Variants in MYO1H observed in about 807,000 individuals in gnomAD.
The protein encoded by MYO1H is myosin IH, also known as unconventional myosin-Ih.
In MYO1H, 118 loss-of-function variants were observed where a neutral mutation model predicts 149.3. The ratio of observed to expected loss-of-function variants is 0.79; its 90% CI spans 0.68 to 0.92. MYO1H has a LOEUF of 0.92. Among genes scored for constraint, MYO1H ranks in the 40% least tolerant of loss-of-function variants. The probability of loss-of-function intolerance (pLI) is 0.00; values close to 1 mark genes in which losing one functional copy is unlikely to be tolerated. For synonymous variants in MYO1H, 447 were observed against 465.2 expected, an observed-to-expected ratio of 0.96 and a Z score of 0.50; for missense variants, 1,212 against 1,280.7, an observed-to-expected ratio of 0.95 and a Z score of 0.82.
chr12:109,400,331 C>A (rs574773271), intron 5 of MYO1H, among the ~76,000 whole-genome samples: 1 of 152,282 alleles, frequency 6.6e-6, no homozygotes, highest in African/African-American at 2.4e-5. Flanking sequence ...AATGATGGTT[C>A]CGGTTGCTCC....
chr12:109,391,530 C>T (rs1465922995), intron 2 of MYO1H, among the ~76,000 whole-genome samples: 2 of 151,988 alleles, frequency 1.3e-5, no homozygotes, highest in Non-Finnish European at 2.9e-5. Context: ...TGAATAGTGC[C>T]GCAGTGAACA....
At chr12:109,379,436 C>T (rs11066446) in intron 1 of MYO1H, among the ~76,000 whole-genome samples, 1 of 151,940 alleles carries the variant, frequency 6.6e-6, no homozygotes, top group Admixed American at 6.6e-5. Context: ...TGCTATTGAG[C>T]GTTTTTTGCT....
At chr12:109,434,958 T>G (rs1871794715) in intron 20 of MYO1H, 79 bp from the exon 21 acceptor site, 3 of 807,300 alleles carry the variant, frequency 3.7e-6, no homozygotes, top group Admixed American at 2.8e-5. Context: ...TGGAAATGAA[T>G]TTTTGAAGGG....
the MYO1H span, among the ~76,000 whole-genome samples, chr12:109,332,894 T>G: frequency 6.6e-6 from 1 of 152,230 alleles, no homozygotes; most frequent in Non-Finnish European, 1.5e-5. Flanking sequence ...GGTGCAGATC[T>G]TAATGCACAT....
exon 7 of MYO1H, chr12:109,404,042 G>T (rs150959108): frequency 1.2e-6 from 2 of 1,613,624 alleles, no homozygotes; most frequent in Non-Finnish European, 1.7e-6. Context: ...TGTTTCCAAC[G>T]CCTTTTCTGT....
chr12:109,338,747 C>T, the MYO1H span, among the ~76,000 whole-genome samples: 1 of 118,774 alleles, frequency 8.4e-6, no homozygotes, highest in Admixed American at 1.2e-4. Flanking sequence ...GCCTGGGTGA[C>T]AGAGCAAGAC....
intron 1 of MYO1H, among the ~76,000 whole-genome samples, chr12:109,369,072 C>T (rs1360080466): frequency 6.6e-6 from 1 of 151,536 alleles, no homozygotes; most frequent in Admixed American, 6.6e-5. Flanking sequence ...ACTGCAAATT[C>T]TGCCTCCTGG....
chr12:109,330,288 A>G, the MYO1H span, among the ~76,000 whole-genome samples: 1 of 152,228 alleles, frequency 6.6e-6, no homozygotes, highest in Non-Finnish European at 1.5e-5. Context: ...ACACACACAC[A>G]TACATATATA....
At chr12:109,353,678 G>A (rs777949528) in intron 1 of MYO1H, among the ~76,000 whole-genome samples, 1 of 152,054 alleles carries the variant, frequency 6.6e-6, no homozygotes, top group South Asian at 2.1e-4. Flanking sequence ...ACAATAAGCA[G>A]TCTTGCTCTG....
upstream of MYO1H, among the ~76,000 whole-genome samples, chr12:109,345,169 C>T (rs1197271245): frequency 1.3e-5 from 2 of 152,042 alleles, no homozygotes; most frequent in Non-Finnish European, 2.9e-5. Flanking sequence ...AAAAGACAAC[C>T]TACAGAATGA....
chr12:109,352,456 A>G (rs1868483073), intron 1 of MYO1H, among the ~76,000 whole-genome samples: 1 of 152,196 alleles, frequency 6.6e-6, no homozygotes, highest in Admixed American at 6.5e-5. Flanking sequence ...AGCTACCCAC[A>G]TACATACATG....
chr12:109,327,001 G>C, the MYO1H span, among the ~76,000 whole-genome samples: 1 of 151,860 alleles, frequency 6.6e-6, no homozygotes, highest in Admixed American at 6.6e-5. Context: ...TATTAACACT[G>C]TTATTACATT....
rs573202327 is a variant in MYO1H at position 109,391,412 on chromosome 12, C to T, written c.175-1919C>T. Among the ~76,000 whole-genome samples, 168 of 152,278 alleles carry T rather than the reference C, an allele frequency of 1.1e-3. 1 individual carries two copies. The highest frequency in any genetic ancestry group is 3.4e-3 in the African/African-American group (142 of 41,560). On this transcript the variant is annotated intron_variant, in intron 2 of 31. Transcript: ENST00000310903. The stretch of plus-strand genomic sequence containing the variant: ...CATGTCCCAGCAAAGGACATGATCT[C>T]GTTCCTTTTTATGGCTACATAGTAT...
intron 22 of MYO1H, among the ~76,000 whole-genome samples, 157 bp downstream of exon 22, chr12:109,436,713 T>C (rs1871876197): frequency 6.6e-6 from 1 of 152,134 alleles, no homozygotes; most frequent in African/African-American, 2.4e-5. Context: ...TTTTACCTTA[T>C]TGATTGGAGA....
intron 21 of MYO1H, among the ~76,000 whole-genome samples, chr12:109,435,730 T>A (rs1328438854): frequency 6.6e-6 from 1 of 152,354 alleles, no homozygotes; most frequent in East Asian, 1.9e-4. Flanking sequence ...CCGCTTTCTA[T>A]GCAGGGAAAC....
At chr12:109,402,238 G>C (rs1170123107) in intron 6 of MYO1H, among the ~76,000 whole-genome samples, 1 of 152,156 alleles carries the variant, frequency 6.6e-6, no homozygotes, top group East Asian at 1.9e-4. Flanking sequence ...ACAATGCCCA[G>C]ATTGTAAGGC....
chr12:109,439,299 G>C (rs561533373), intron 23 of MYO1H, among the ~76,000 whole-genome samples: 1 of 152,118 alleles, frequency 6.6e-6, no homozygotes, highest in Admixed American at 6.6e-5. Flanking sequence ...GGCTAGTCTC[G>C]AATTCTTGAC....
chr12:109,406,775 T>G lies in MYO1H; in HGVS notation c.964-14T>G. On this transcript the variant is annotated splice_polypyrimidine_tract_variant and intron_variant, in intron 8 of 31. Transcript: ENST00000310903. ...GCGTCACTGAATAGCATTCTGGATTTCTTTTACATGCAGCTCCTGGGGGTC... is the reference window on the plus strand; with the variant it reads ...GCGTCACTGAATAGCATTCTGGATTGCTTTTACATGCAGCTCCTGGGGGTC... The G allele has an allele frequency of 6.2e-7, 1 of 1,613,204 alleles. No individual in the cohort carries two copies. Among genetic ancestry groups the G allele is most frequent in the Non-Finnish European group, 8.5e-7 (1 of 1,179,136 alleles).
At chr12:109,332,677 A>G in the MYO1H span, among the ~76,000 whole-genome samples, 513 of 152,360 alleles carry the variant, frequency 3.4e-3, 5 homozygotes, top group African/African-American at 0.012. Context: ...TCCTGGGCTC[A>G]GGTGATCCTC....
Sources: gnomAD v4.1 joint callset for allele counts (sites outside exome capture counted in the v4.1 genomes callset) on GRCh38, gnomAD v4.1.1 for gene constraint, MANE v1.5 for transcripts, NCBI Gene and HGNC (gene_info 2026-07-23, HGNC 2026-07-21) for gene names.